Variants in MECR observed in about 807,000 individuals in gnomAD.
The protein encoded by MECR is enoyl-[acyl-carrier-protein] reductase, mitochondrial.
Under a neutral mutation model 49.1 loss-of-function variants are expected in MECR, and 37 were observed. The ratio of observed to expected loss-of-function variants is 0.75; its 90% CI spans 0.58 to 0.99. MECR has a LOEUF of 0.99. Among genes scored for constraint, MECR ranks in the 50% least tolerant of loss-of-function variants. The pLI is 0.00. For synonymous variants in MECR, 198 were observed against 191.1 expected, an observed-to-expected ratio of 1.04 and a Z score of -0.30; for missense variants, 470 against 479.6, an observed-to-expected ratio of 0.98 and a Z score of 0.19.
At chr1:29,195,897 C>G (rs1213449215) in intron 9 of MECR, 44 bp downstream of exon 9, 1 of 1,599,372 alleles carries the variant, frequency 6.3e-7, no homozygotes, top group Non-Finnish European at 8.6e-7. Flanking sequence ...CATTTTTAGG[C>G]ACTGCCCTCA....
chr1:29,170,416 T>C, the MECR span: 41 of 152,194 alleles, frequency 2.7e-4, no homozygotes, highest in African/African-American at 9.7e-4. Flanking sequence ...AACCAGTTCA[T>C]ACTTACCTCT....
At position 29,201,463 on chromosome 1, in the gene MECR, T is replaced by G. The variant is rs78587717; in HGVS notation, c.756+480A>C. On this transcript the variant is annotated intron_variant, in intron 6 of 9. Coordinates refer to ENST00000263702, the MANE Select transcript of MECR (RefSeq NM_016011.5). The surrounding 1 kb of genome is among the most constrained non-coding windows in gnomAD (Gnocchi z 4.3). Reference sequence around the variant, plus strand: ...CAGCTCTGACTCTCTGGAGCCCTTATAAACTATATGATTTTGGTTAAGCAT... The same window carrying G: ...CAGCTCTGACTCTCTGGAGCCCTTAGAAACTATATGATTTTGGTTAAGCAT... 551 of 511,304 alleles carry G rather than the reference T, an allele frequency of 1.1e-3. 1 individual carries two copies. Among genetic ancestry groups the G allele is most frequent in the Admixed American group, 2.4e-3 (113 of 47,086 alleles). The allele number at this position is 511,304 out of a possible 1,614,324, so 31.7% of individuals were successfully genotyped here.
chr1:29,180,588 A>T, the MECR span, among the ~76,000 whole-genome samples: 15,602 of 152,106 alleles, frequency 0.1, 1,039 homozygotes, highest in African/African-American at 0.19. Flanking sequence ...CTATATTACA[A>T]CTGTTGCAAA....
intron 1 of MECR, among the ~76,000 whole-genome samples, chr1:29,226,646 T>C (rs1253490369): frequency 6.6e-6 from 1 of 152,152 alleles, no homozygotes; most frequent in Non-Finnish European, 1.5e-5. Flanking sequence ...CAGGCCTATG[T>C]CTATATCAAG....
intron 1 of MECR, among the ~76,000 whole-genome samples, chr1:29,218,152 G>C (rs1192254963): frequency 6.6e-6 from 1 of 152,216 alleles, no homozygotes; most frequent in African/African-American, 2.4e-5. Context: ...TTATCCCAGT[G>C]AAACTTTGCT....
downstream of MECR, among the ~76,000 whole-genome samples, chr1:29,190,798 TAA>T (rs1196883134): frequency 4.4e-4 from 33 of 74,282 alleles, no homozygotes; most frequent in Admixed American, 7.5e-4. Context: ...TCTCTCCAAA[TAA>T]AAAAAAAAAA....
At chr1:29,227,424 CTTAT>C (rs1208083332) in intron 1 of MECR, among the ~76,000 whole-genome samples, 3 of 152,154 alleles carry the variant, frequency 2.0e-5, no homozygotes, top group African/African-American at 7.2e-5. Context: ...GGCCCAAATA[CTTAT>C]TTAGGGAATC....
At chr1:29,194,828 A>C (rs1181005794) in intron 9 of MECR, among the ~76,000 whole-genome samples, 2 of 152,164 alleles carry the variant, frequency 1.3e-5, no homozygotes, top group Non-Finnish European at 2.9e-5. Flanking sequence ...TTTAAGCGTG[A>C]GTCTTGTCTG....
intron 7 of MECR, among the ~76,000 whole-genome samples, chr1:29,196,782 T>C (rs930969150): frequency 2.0e-5 from 3 of 151,916 alleles, no homozygotes; most frequent in South Asian, 4.2e-4. Flanking sequence ...GGTGAGAGGA[T>C]TGCCTGAGCC....
intron 9 of MECR, among the ~76,000 whole-genome samples, chr1:29,194,558 T>G (rs1574227716): frequency 1.3e-5 from 2 of 151,392 alleles, no homozygotes; most frequent in East Asian, 1.9e-4. Context: ...AGAGAGGGAG[T>G]GGGTATGCCT....
In MECR at chr1:29,216,116, C is replaced by T; in HGVS notation, c.295G>A (p.Glu99Lys). ...TCGTTCCCTCCAACAGCAGGCAGTT[C>T]AGGAAGGAATCCGTAGTTTCCTGAG... Reference protein sequence around the residue: ...MIQGNYGFLPELPAVGGNEGV... With the variant: ...MIQGNYGFLPKLPAVGGNEGV... The change falls in exon 3 of 10, where the codon GAA (glutamate) becomes AAA (lysine). Residue 99 changes from glutamate to lysine, a missense_variant. Glu to Lys is a moderately conservative substitution (Grantham distance 56, BLOSUM62 1). Transcript: ENST00000263702. 3 of 1,614,032 alleles carry T rather than the reference C, an allele frequency of 1.9e-6. No homozygotes were observed. Among genetic ancestry groups the T allele is most frequent in the Non-Finnish European group, 2.5e-6 (3 of 1,179,938 alleles).
intron 1 of MECR, among the ~76,000 whole-genome samples, chr1:29,230,056 C>T (rs1032242187): frequency 6.6e-6 from 1 of 152,150 alleles, no homozygotes; most frequent in Non-Finnish European, 1.5e-5. Context: ...CTGTATGGCA[C>T]CAAAGCAGCT....
At chr1:29,175,328 G>A in the MECR span, among the ~76,000 whole-genome samples, 6 of 151,644 alleles carry the variant, frequency 4.0e-5, no homozygotes, top group Admixed American at 3.3e-4. Flanking sequence ...CAGCAGAATC[G>A]CTTGTACCTG....
chr1:29,205,582 A>G (rs1438778107), intron 4 of MECR, among the ~76,000 whole-genome samples: 1 of 151,626 alleles, frequency 6.6e-6, no homozygotes, highest in Non-Finnish European at 1.5e-5. Flanking sequence ...CTGTAATCCC[A>G]GCACTTTGGG....
the MECR span, chr1:29,170,665 G>T: frequency 6.6e-6 from 1 of 152,092 alleles, no homozygotes; most frequent in African/African-American, 2.4e-5. Context: ...AAAATGGATG[G>T]ATCAATAGCT....
chr1:29,180,761 AAC>A, the MECR span, among the ~76,000 whole-genome samples: 1 of 152,184 alleles, frequency 6.6e-6, no homozygotes, highest in Non-Finnish European at 1.5e-5. Context: ...CTGATTCCTC[AAC>A]AGTTTTCCCT....
the MECR span, among the ~76,000 whole-genome samples, chr1:29,187,315 C>T: frequency 1.9e-4 from 29 of 151,884 alleles, no homozygotes; most frequent in Non-Finnish European, 3.2e-4. Flanking sequence ...CGGGTTCAAG[C>T]GATTCTCGTG....
chr1:29,173,867 A>G, the MECR span, among the ~76,000 whole-genome samples: 2 of 152,010 alleles, frequency 1.3e-5, no homozygotes, highest in Non-Finnish European at 2.9e-5. Context: ...TAGTTTAAAA[A>G]ATTATAATAA....
At chr1:29,230,609 C>G in intron 1 of MECR, 122 bp downstream of exon 1, 1 of 1,309,578 alleles carries the variant, frequency 7.6e-7, no homozygotes, top group Non-Finnish European at 1.0e-6. Flanking sequence ...TGGGCTTCGG[C>G]TTCGGTTTGC....
Sources: allele counts gnomAD v4.1 joint callset (sites outside exome capture counted in the v4.1 genomes callset), GRCh38; gene constraint gnomAD v4.1.1; non-coding constraint Gnocchi (gnomAD v3.1); transcripts MANE v1.5; gene names NCBI Gene and HGNC (gene_info 2026-07-23, HGNC 2026-07-21).